Variants in MAPRE2 observed in about 807,000 individuals in gnomAD.
MAPRE2 encodes microtubule associated protein RP/EB family member 2, also known as microtubule-associated protein RP/EB family member 2.
MAPRE2 carries 13 observed loss-of-function variants against 43.2 expected under a neutral mutation model. The ratio of observed to expected loss-of-function variants is 0.30; its 90% CI spans 0.20 to 0.48. The LOEUF (loss-of-function observed/expected upper bound fraction) is 0.48, where lower values mean the gene tolerates loss of function less well. Ranked by LOEUF, MAPRE2 falls within the 20% of genes least tolerant of loss-of-function variation. The probability of loss-of-function intolerance (pLI) is 0.99; values close to 1 mark genes in which losing one functional copy is unlikely to be tolerated. For missense variants in MAPRE2, 161 were observed against 400.2 expected, an observed-to-expected ratio of 0.40 and a Z score of 5.10; for synonymous variants, 135 against 148.8, an observed-to-expected ratio of 0.91 and a Z score of 0.68.
chr18:35,063,606 A>G (rs1052206387), intron 1 of MAPRE2, among the ~76,000 whole-genome samples: 3 of 152,126 alleles, frequency 2.0e-5, no homozygotes, highest in Non-Finnish European at 4.4e-5. Context: ...AGCGCAGCAG[A>G]TAGCAGTCAA....
At chr18:35,011,065 C>T (rs1401247258) in intron 2 of MAPRE2, among the ~76,000 whole-genome samples, 4 of 152,090 alleles carry the variant, frequency 2.6e-5, no homozygotes, top group Non-Finnish European at 4.4e-5. Context: ...GTAGATTTTG[C>T]GTGAGACAGT....
intron 4 of MAPRE2, among the ~76,000 whole-genome samples, chr18:35,105,133 C>T (rs1908846477): frequency 1.3e-5 from 2 of 151,996 alleles, no homozygotes; most frequent in African/African-American, 4.8e-5. Context: ...TAAACGTGTG[C>T]CATTTTGATA....
intron 6 of MAPRE2, among the ~76,000 whole-genome samples, chr18:35,136,182 CATT>C (rs1217062357): frequency 6.6e-6 from 1 of 152,182 alleles, no homozygotes; most frequent in African/African-American, 2.4e-5. Context: ...TACTTATTCT[CATT>C]ATGTTTTCCC....
chr18:35,121,266 A>G (rs1388849261), intron 4 of MAPRE2, among the ~76,000 whole-genome samples: 1 of 152,202 alleles, frequency 6.6e-6, no homozygotes, highest in African/African-American at 2.4e-5. Context: ...AGACACGGTA[A>G]TGCCCTGGCT....
chr18:35,014,570 A>C (rs1326660686), intron 2 of MAPRE2, among the ~76,000 whole-genome samples: 1 of 152,150 alleles, frequency 6.6e-6, no homozygotes, highest in African/African-American at 2.4e-5. Flanking sequence ...TGTAAGAGCC[A>C]AATGACTGGG....
chr18:35,029,475 G>C (rs187321894), intron 2 of MAPRE2, among the ~76,000 whole-genome samples: 1 of 152,312 alleles, frequency 6.6e-6, no homozygotes, highest in African/African-American at 2.4e-5. Flanking sequence ...AACTCTGGAA[G>C]TCCCTGGTAC....
intron 2 of MAPRE2, among the ~76,000 whole-genome samples, chr18:35,090,592 TGTG>T (rs1908097226): frequency 6.6e-6 from 1 of 151,456 alleles, no homozygotes; most frequent in Admixed American, 6.6e-5. Context: ...ATGAGCCAGT[TGTG>T]GTGGTGGGTG....
At chr18:35,063,377 G>T (rs1052736577) in intron 1 of MAPRE2, among the ~76,000 whole-genome samples, 1 of 152,016 alleles carries the variant, frequency 6.6e-6, no homozygotes, top group Non-Finnish European at 1.5e-5. Context: ...AAAGTGCTGG[G>T]ATTACAGGCG....
rs534904458 is a variant in MAPRE2 at position 35,142,958 on chromosome 18, C to A, written c.*2589C>A. ...AGCCCAGTTTCATCCTTAGTACCCC[C>A]CCTCGTGCCCGCTGTCGGCTGGTTA... On this transcript the variant is annotated 3_prime_UTR_variant, in exon 7 of 7. Coordinates refer to ENST00000300249, the MANE Select transcript of MAPRE2 (RefSeq NM_014268.4). 7.2e-5 allele frequency: 11 copies of A among 152,004 alleles called. No homozygotes were observed. Among genetic ancestry groups the A allele is most frequent in the African/African-American group, 1.7e-4 (7 of 41,350 alleles). The allele number at this position is 152,004 out of a possible 1,614,324, so 9.4% of individuals were successfully genotyped here. A position where few individuals can be genotyped will look rare whatever the true frequency, so the allele number is the denominator to read the frequency against.
intron 2 of MAPRE2, among the ~76,000 whole-genome samples, chr18:35,090,713 CAG>C (rs1265145225): frequency 8.8e-6 from 1 of 114,008 alleles, no homozygotes; most frequent in African/African-American, 3.5e-5. Context: ...GCCTGGGAGA[CAG>C]AGCAAGATTC....
chr18:35,060,131 C>G (rs905555573), intron 1 of MAPRE2, among the ~76,000 whole-genome samples: 1 of 152,176 alleles, frequency 6.6e-6, no homozygotes, highest in African/African-American at 2.4e-5. Context: ...AAAGGTTGAC[C>G]CAGGGCCCTG....
At chr18:35,016,148 C>T (rs1266457271) in intron 2 of MAPRE2, among the ~76,000 whole-genome samples, 2 of 151,766 alleles carry the variant, frequency 1.3e-5, no homozygotes, top group Non-Finnish European at 2.9e-5. Context: ...TTTATGGCTG[C>T]GTAGTATTTT....
intron 2 of MAPRE2, among the ~76,000 whole-genome samples, chr18:35,011,554 A>C (rs2097034680): frequency 6.6e-6 from 1 of 152,190 alleles, no homozygotes; most frequent in Non-Finnish European, 1.5e-5. Flanking sequence ...CTTTAAGCGT[A>C]GAGGTAAAAC....
intron 2 of MAPRE2, among the ~76,000 whole-genome samples, chr18:35,075,716 A>G (rs1305191422): frequency 6.6e-6 from 1 of 151,992 alleles, no homozygotes; most frequent in Admixed American, 6.6e-5. Context: ...AAAAGTTTAC[A>G]TGGTCTCAGC....
chr18:34,981,284 G>A lies in MAPRE2; in HGVS notation c.-70+4205G>A, dbSNP rs150205470. Among the ~76,000 whole-genome samples, 453 of 151,958 alleles carry A rather than the reference G, an allele frequency of 3.0e-3. 1 individual carries two copies. Among genetic ancestry groups the A allele is most frequent in the African/African-American group, 0.011 (445 of 41,418 alleles). The stretch of plus-strand genomic sequence containing the variant: ...AGCTACTCGGGAGGCTGAGGTGAGA[G>A]GATCGCTTGAATCTGGGGAGGCAAC... On this transcript the variant is annotated intron_variant, in intron 1 of 7. Transcript: ENST00000413393.
At chr18:35,089,949 G>A (rs962797993) in intron 2 of MAPRE2, among the ~76,000 whole-genome samples, 4 of 152,176 alleles carry the variant, frequency 2.6e-5, no homozygotes, top group Admixed American at 1.3e-4. Context: ...ATTATTTGCT[G>A]TAAAGAAAAA....
intron 3 of MAPRE2, among the ~76,000 whole-genome samples, chr18:35,101,209 T>G (rs1908662517): frequency 6.6e-6 from 1 of 152,218 alleles, no homozygotes; most frequent in African/African-American, 2.4e-5. Context: ...AAGTACTAAA[T>G]ATTCCAAGAA....
intron 6 of MAPRE2, among the ~76,000 whole-genome samples, chr18:35,134,393 G>A (rs1157545841): frequency 2.6e-5 from 4 of 152,218 alleles, no homozygotes; most frequent in Non-Finnish European, 5.9e-5. Flanking sequence ...CATTTACTAC[G>A]TAGATTACTG....
chr18:35,070,422 G>C (rs1321885341), intron 2 of MAPRE2, 100 bp downstream of exon 2: 1 of 1,034,742 alleles, frequency 9.7e-7, no homozygotes, highest in Non-Finnish European at 1.3e-6. Flanking sequence ...GTAGGAAAAA[G>C]TATATATTGC....
Sources: allele counts gnomAD v4.1 joint callset (sites outside exome capture counted in the v4.1 genomes callset), GRCh38; gene constraint gnomAD v4.1.1; transcripts MANE v1.5; gene names NCBI Gene and HGNC (gene_info 2026-07-23, HGNC 2026-07-21).